Variants in CFAP47 observed in about 807,000 individuals in gnomAD.
The protein encoded by CFAP47 is cilia and flagella associated protein 47.
CFAP47 carries 29 observed loss-of-function variants against 148.1 expected under a neutral mutation model. That is an observed-to-expected ratio of 0.20 (90% CI 0.15 to 0.27). CFAP47 has a LOEUF of 0.27. CFAP47 is among the 10% of genes least tolerant of loss of function. The pLI, the probability that CFAP47 is intolerant of heterozygous loss-of-function variation, is 1.00. For missense variants in CFAP47, 1,872 were observed against 1,697.5 expected (o/e 1.10, Z -1.81); for synonymous variants, 664 against 577.3 (o/e 1.15, Z -2.15).
chrX:36,314,629 G>T (rs781839580), intron 56 of CFAP47, among the ~76,000 whole-genome samples: 1 of 111,463 alleles, frequency 9.0e-6, no homozygotes, highest in East Asian at 2.8e-4. Flanking sequence ...CTTAAAATAT[G>T]TAAGGAGGCA....
chrX:36,372,000 A>C (rs1293083450), intron 62 of CFAP47, among the ~76,000 whole-genome samples: 1 of 78,350 alleles, frequency 1.3e-5, no homozygotes, highest in African/African-American at 7.6e-5. Context: ...GTATGTGTAT[A>C]TATGTGTGTA....
chrX:36,077,282 G>GC (rs1555970090), intron 29 of CFAP47, among the ~76,000 whole-genome samples: 1 of 74,090 alleles, frequency 1.3e-5, no homozygotes, highest in Non-Finnish European at 2.5e-5. Context: ...TTTTAGAAAA[G>GC]TTTTTTTTTA....
At chrX:35,972,847 T>G (rs1936514709) in intron 13 of CFAP47, among the ~76,000 whole-genome samples, 1 of 111,298 alleles carries the variant, frequency 9.0e-6, no homozygotes, top group African/African-American at 3.3e-5. Flanking sequence ...TAAAATTCTC[T>G]GATTTCTAGG....
At chrX:36,033,008 G>T (rs746520841) in intron 23 of CFAP47, among the ~76,000 whole-genome samples, 2 of 111,621 alleles carry the variant, frequency 1.8e-5, no homozygotes, top group Non-Finnish European at 3.8e-5. Flanking sequence ...ACTAGAAAAG[G>T]CAATGAAATG....
At chrX:36,230,393 C>T (rs1278877552) in intron 46 of CFAP47, among the ~76,000 whole-genome samples, 2 of 109,303 alleles carry the variant, frequency 1.8e-5, no homozygotes, top group Non-Finnish European at 3.8e-5. Context: ...TGTTTTTTGG[C>T]TGCATAAATG....
At chrX:35,938,193 TTCCTCTTAAATTTGTAGC>T (rs1394072587) in intron 2 of CFAP47, among the ~76,000 whole-genome samples, 3 of 111,539 alleles carry the variant, frequency 2.7e-5, no homozygotes, top group Non-Finnish European at 5.7e-5. Context: ...CTCTTTTCTT[TTCCTCTTAAATTTGTAGC>T]TCCATTCCAT....
At chrX:36,291,881 C>T (rs1556005617) in intron 51 of CFAP47, among the ~76,000 whole-genome samples, 3 of 111,036 alleles carry the variant, frequency 2.7e-5, no homozygotes, top group African/African-American at 9.8e-5. Context: ...ATAGAGAGTA[C>T]ATACACACAT....
At position 35,966,586 on chromosome X, in the gene CFAP47, C is replaced by T. The variant is rs1241140833; in HGVS notation, c.1432C>T (p.Pro478Ser). Reference sequence around the variant, plus strand: ...TTAGGATGTGATGTGTTCATTTGTTCCACATCAACTTGGAGTCTTCAAAGT... The same window carrying T: ...TTAGGATGTGATGTGTTCATTTGTTTCACATCAACTTGGAGTCTTCAAAGT... ...GMVDVMCSFV[P>S]HQLGVFKVKQ... Residue 478 changes from proline to serine, a missense_variant, in exon 9 of 64, where the codon CCA becomes TCA. Physicochemically the swap from Pro to Ser is moderately conservative, Grantham distance 74 (BLOSUM62 -1). Transcript: ENST00000378653. 1 of 1,075,070 alleles carries T rather than the reference C, an allele frequency of 9.3e-7. No homozygotes were observed. The highest frequency in any genetic ancestry group is 1.2e-6 in the Non-Finnish European group (1 of 818,892). The allele number at this position is 1,075,070 out of a possible 1,213,427, so 88.6% of individuals were successfully genotyped here.
At chrX:35,921,424 A>T (rs1935575776) in intron 1 of CFAP47, among the ~76,000 whole-genome samples, 1 of 112,406 alleles carries the variant, frequency 8.9e-6, no homozygotes, top group Admixed American at 9.5e-5. Flanking sequence ...CTACCTTAGC[A>T]CATATTTATT....
chrX:35,983,359 G>A, intron 15 of CFAP47, among the ~76,000 whole-genome samples: 1 of 111,761 alleles, frequency 8.9e-6, no homozygotes, highest in Middle Eastern at 4.6e-3. Flanking sequence ...CAGAGACTAT[G>A]GGGCTTTCTA....
At chrX:36,021,198 GTGT>G (rs1472762385) in intron 22 of CFAP47, among the ~76,000 whole-genome samples, 8 of 111,656 alleles carry the variant, frequency 7.2e-5, no homozygotes, top group African/African-American at 2.3e-4. Context: ...TCTTGAAAAG[GTGT>G]TGTAATTATT....
At chrX:36,125,838 T>C (rs890599305) in intron 33 of CFAP47, among the ~76,000 whole-genome samples, 3 of 111,321 alleles carry the variant, frequency 2.7e-5, no homozygotes, top group Admixed American at 1.9e-4. Context: ...CCTTTTAATG[T>C]ATTGTCTAAA....
chrX:36,375,100 A>G, intron 62 of CFAP47: 1 of 382,976 alleles, frequency 2.6e-6, no homozygotes, highest in South Asian at 2.9e-5. Context: ...TTGGAGCATG[A>G]CCTAATAAGA....
At chrX:36,099,724 A>T (rs368458793) in intron 31 of CFAP47, 27 bp from the exon 32 acceptor site, 4 of 694,119 alleles carry the variant, frequency 5.8e-6, no homozygotes, top group Non-Finnish European at 8.7e-6. Context: ...AATTTTAATT[A>T]ATGTTGTACT....
chrX:36,276,111 C>T (rs1248593091), intron 49 of CFAP47, among the ~76,000 whole-genome samples: 1 of 110,044 alleles, frequency 9.1e-6, no homozygotes, highest in African/African-American at 3.3e-5. Context: ...AGATTGAAAT[C>T]AAGTCCCTGT....
chrX:36,359,923 T>G (rs1276708546), intron 60 of CFAP47, among the ~76,000 whole-genome samples: 1 of 110,713 alleles, frequency 9.0e-6, no homozygotes, highest in African/African-American at 3.3e-5. Context: ...GCTAATTTTT[T>G]TTTGTATTTT....
At chrX:36,016,701 CTTTTTTTT>C (rs1281064323) in intron 22 of CFAP47, among the ~76,000 whole-genome samples, 6,181 of 54,481 alleles carry the variant, frequency 0.11, 647 homozygotes, top group African/African-American at 0.35. Context: ...TTATGCCAGT[CTTTTTTTT>C]TTTTTTTTTT....
chrX:36,013,331 G>A (rs1601931005), intron 21 of CFAP47, among the ~76,000 whole-genome samples: 1 of 111,924 alleles, frequency 8.9e-6, no homozygotes. Context: ...CTGCCTGGGT[G>A]CCGATATTGT....
At chrX:35,924,280 T>C (rs938902000) in intron 1 of CFAP47, among the ~76,000 whole-genome samples, 5 of 105,711 alleles carry the variant, frequency 4.7e-5, no homozygotes, top group South Asian at 3.9e-4. Context: ...TGTATGTGTA[T>C]ATGTACATGT....
Sources: gnomAD v4.1 joint callset for allele counts (sites outside exome capture counted in the v4.1 genomes callset) on GRCh38, gnomAD v4.1.1 for gene constraint, MANE v1.5 for transcripts, NCBI Gene and HGNC (gene_info 2026-07-23, HGNC 2026-07-21) for gene names.